Variants in RBFOX1 observed in about 807,000 individuals in gnomAD.
The protein encoded by RBFOX1 is RNA binding protein fox-1 homolog 1.
RBFOX1 carries 8 observed loss-of-function variants against 57.7 expected under a neutral mutation model. The observed-to-expected ratio is 0.14, with a 90% CI of 0.08 to 0.25. The LOEUF (loss-of-function observed/expected upper bound fraction) is 0.25. Ranked by LOEUF, RBFOX1 falls within the 10% of genes least tolerant of loss-of-function variation. The probability of loss-of-function intolerance (pLI) is 1.00; values close to 1 mark genes in which losing one functional copy is unlikely to be tolerated. For synonymous variants in RBFOX1, 326 were observed against 222.4 expected (o/e 1.47, Z -4.15); for missense variants, 611 against 548.5 (o/e 1.11, Z -1.14).
rs2144813098 is a variant in RBFOX1, at chr16:7,653,903, C to T, written c.846C>T (p.Thr282=). Residue 282 remains threonine, a synonymous_variant, in exon 12 of 16, where the codon ACC becomes ACT. Coordinates refer to ENST00000550418, the MANE Select transcript of RBFOX1 (RefSeq NM_018723.4). The part of the protein sequence containing the change: ...LRGRGRTVYN[T]FRAAAPPPPI... ...GCCGCGGTCGCACCGTGTACAACACCTTCAGGGCCGCGGCGCCCCCGCCCC... is the reference window on the plus strand; with the variant it reads ...GCCGCGGTCGCACCGTGTACAACACTTTCAGGGCCGCGGCGCCCCCGCCCC... 2 of 1,588,620 alleles carry T rather than the reference C, an allele frequency of 1.3e-6. No individual in the cohort carries two copies. The highest frequency in any genetic ancestry group is 4.5e-5 in the East Asian group (2 of 44,284).
At chr16:5,858,555 G>C (rs2057129078) in intron 3 of RBFOX1, among the ~76,000 whole-genome samples, 1 of 152,142 alleles carries the variant, frequency 6.6e-6, no homozygotes, top group African/African-American at 2.4e-5. Flanking sequence ...CTGCAAGATA[G>C]ACCTAAGGCA....
intron 4 of RBFOX1, among the ~76,000 whole-genome samples, chr16:7,438,200 C>T (rs558511492): frequency 2.0e-4 from 31 of 152,024 alleles, no homozygotes; most frequent in Non-Finnish European, 4.0e-4. Context: ...ATTTACTAAC[C>T]AGGGTACAGT....
At chr16:6,894,368 G>A (rs150148590) in intron 3 of RBFOX1, among the ~76,000 whole-genome samples, 30 of 152,276 alleles carry the variant, frequency 2.0e-4, no homozygotes, top group Admixed American at 5.9e-4. Context: ...TCTCATGGAT[G>A]GGTGAAATGA....
chr16:5,595,262 C>G (rs1197424619), intron 2 of RBFOX1, among the ~76,000 whole-genome samples: 1 of 152,172 alleles, frequency 6.6e-6, no homozygotes, highest in African/African-American at 2.4e-5. Context: ...GGAGCTGACA[C>G]CAGCCCATGA....
At chr16:6,475,966 A>T (rs2153086964) in intron 2 of RBFOX1, among the ~76,000 whole-genome samples, 2 of 152,306 alleles carry the variant, frequency 1.3e-5, no homozygotes, top group Middle Eastern at 6.8e-3. Flanking sequence ...AGAAGCAATT[A>T]GATGCTGGAG....
intron 3 of RBFOX1, among the ~76,000 whole-genome samples, chr16:5,648,874 G>A (rs1046081528): frequency 2.6e-5 from 4 of 152,152 alleles, no homozygotes; most frequent in African/African-American, 9.6e-5. Context: ...GTCCAGGCTG[G>A]CCAACATGGT....
At chr16:6,042,102 C>CT (rs35458939) in intron 1 of RBFOX1, among the ~76,000 whole-genome samples, 42,137 of 140,850 alleles carry the variant, frequency 0.3, 6,778 homozygotes, top group Non-Finnish European at 0.37. Context: ...CTCTCTCCTA[C>CT]TTTTTTTTTT....
chr16:7,058,754 T>C (rs998527629), intron 4 of RBFOX1, among the ~76,000 whole-genome samples: 7 of 152,354 alleles, frequency 4.6e-5, no homozygotes, highest in African/African-American at 9.6e-5. Context: ...ACTGTTGATA[T>C]TGGTTTTTCA....
intron 1 of RBFOX1, among the ~76,000 whole-genome samples, chr16:5,372,651 T>C (rs1253928473): frequency 6.6e-6 from 1 of 152,172 alleles, no homozygotes; most frequent in Non-Finnish European, 1.5e-5. Context: ...CATCCAATCC[T>C]GTCAATCAGA....
At chr16:6,015,524 C>T (rs1278435284), upstream of RBFOX1, among the ~76,000 whole-genome samples, 6 of 152,304 alleles carry the variant, frequency 3.9e-5, no homozygotes, top group East Asian at 1.2e-3. Context: ...TGGGCCTTCC[C>T]TAGCCCATAT....
intron 4 of RBFOX1, among the ~76,000 whole-genome samples, chr16:7,424,511 C>T (rs143301169): frequency 1.8e-3 from 271 of 152,264 alleles, no homozygotes; most frequent in Middle Eastern, 3.4e-3. Context: ...CCACCCACCT[C>T]GGCTTCCAAA....
intron 5 of RBFOX1, among the ~76,000 whole-genome samples, chr16:7,530,430 A>C (rs551461170): frequency 6.6e-6 from 1 of 151,828 alleles, no homozygotes; most frequent in Non-Finnish European, 1.5e-5. Context: ...TCTCTTTGCT[A>C]TCCTATTTTG....
intron 3 of RBFOX1, among the ~76,000 whole-genome samples, chr16:5,804,169 G>A (rs2055154559): frequency 6.6e-6 from 1 of 152,224 alleles, no homozygotes; most frequent in Non-Finnish European, 1.5e-5. Context: ...TTCAAGAGAA[G>A]CATATTGCTT....
chr16:7,382,875 G>A (rs1390182116), intron 4 of RBFOX1, among the ~76,000 whole-genome samples: 6 of 152,162 alleles, frequency 3.9e-5, no homozygotes, highest in African/African-American at 1.4e-4. Context: ...TTAAATTGAG[G>A]AGCTGTAAGC....
intron 3 of RBFOX1, among the ~76,000 whole-genome samples, chr16:5,857,825 A>T (rs1214085287): frequency 2.6e-5 from 4 of 151,902 alleles, no homozygotes; most frequent in Non-Finnish European, 5.9e-5. Context: ...GAGTGCCTGT[A>T]GTCCCAGTTA....
intron 1 of RBFOX1, among the ~76,000 whole-genome samples, chr16:5,362,674 C>G (rs2065587830): frequency 1.3e-5 from 2 of 152,154 alleles, no homozygotes; most frequent in South Asian, 2.1e-4. Flanking sequence ...ATCACTGACA[C>G]TTTATACCCA....
chr16:6,386,244 C>G (rs529735296), intron 2 of RBFOX1, among the ~76,000 whole-genome samples: 6 of 152,324 alleles, frequency 3.9e-5, no homozygotes, highest in African/African-American at 9.6e-5. Context: ...CTTCACACTG[C>G]TGTCCTGTTG....
At chr16:6,726,760 A>G (rs1199430485) in intron 3 of RBFOX1, among the ~76,000 whole-genome samples, 2 of 152,016 alleles carry the variant, frequency 1.3e-5, no homozygotes, top group African/African-American at 2.4e-5. Flanking sequence ...GTGTCTTTGA[A>G]TATCATTAAC....
chr16:7,015,258 G>C (rs554633122), intron 3 of RBFOX1, among the ~76,000 whole-genome samples: 136 of 152,222 alleles, frequency 8.9e-4, no homozygotes, highest in African/African-American at 3.2e-3. Context: ...CTATGGGTGA[G>C]CATATGGCCT....
Sources: allele counts gnomAD v4.1 joint callset (sites outside exome capture counted in the v4.1 genomes callset), GRCh38; gene constraint gnomAD v4.1.1; transcripts MANE v1.5; gene names NCBI Gene and HGNC (gene_info 2026-07-23, HGNC 2026-07-21).